The following ALK variants were observed in gnomAD, a reference collection of about 807,000 sequenced individuals.
ALK encodes ALK tyrosine kinase receptor.
ALK carries 74 observed loss-of-function variants against 163.1 expected under a neutral mutation model. That is an observed-to-expected ratio of 0.45 (90% CI 0.38 to 0.55). The LOEUF (loss-of-function observed/expected upper bound fraction) is 0.55, where lower values mean the gene tolerates loss of function less well. Ranked by LOEUF, ALK falls within the 20% of genes least tolerant of loss-of-function variation. The probability of loss-of-function intolerance (pLI) is 0.00; values close to 1 mark genes in which losing one functional copy is unlikely to be tolerated. For missense variants in ALK, 2,063 were observed against 2,105.3 expected, an observed-to-expected ratio of 0.98 and a Z score of 0.39; for synonymous variants, 960 against 843.2, an observed-to-expected ratio of 1.14 and a Z score of -2.40.
At chr2:29,574,533 GAGAA>G in intron 3 of ALK, among the ~76,000 whole-genome samples, 1 of 152,362 alleles carries the variant, frequency 6.6e-6, no homozygotes, top group Middle Eastern at 3.4e-3. Flanking sequence ...TGAAATGTCT[GAGAA>G]AGACTCATAT....
At chr2:29,440,194 A>G (rs1670501878) in intron 4 of ALK, among the ~76,000 whole-genome samples, 1 of 152,030 alleles carries the variant, frequency 6.6e-6, no homozygotes, top group African/African-American at 2.4e-5. Context: ...AGATCGTGCC[A>G]TTGCACTCCA....
intron 1 of ALK, among the ~76,000 whole-genome samples, chr2:29,835,617 G>C (rs969516183): frequency 1.2e-4 from 19 of 152,140 alleles, no homozygotes; most frequent in Non-Finnish European, 2.1e-4. Flanking sequence ...TGGTTTGCCT[G>C]TGTCCCCACT....
chr2:29,807,190 C>T (rs895820029), intron 1 of ALK, among the ~76,000 whole-genome samples: 1 of 152,238 alleles, frequency 6.6e-6, no homozygotes, highest in African/African-American at 2.4e-5. Context: ...CTCTCCCTGA[C>T]AACCTAGAAA....
chr2:29,343,373 T>C (rs994962805), intron 5 of ALK, among the ~76,000 whole-genome samples: 1 of 109,654 alleles, frequency 9.1e-6, no homozygotes, highest in Non-Finnish European at 1.9e-5. Flanking sequence ...TGCATCTGGC[T>C]AAGTAAAAAA....
At chr2:29,319,988 C>CT (rs753981039) in intron 7 of ALK, among the ~76,000 whole-genome samples, 2 of 152,234 alleles carry the variant, frequency 1.3e-5, no homozygotes, top group Non-Finnish European at 2.9e-5. Context: ...GCACCAGGGC[C>CT]TGCCCGGGTC....
intron 3 of ALK, among the ~76,000 whole-genome samples, chr2:29,617,792 T>C (rs1201371178): frequency 2.0e-5 from 3 of 152,210 alleles, no homozygotes; most frequent in African/African-American, 7.2e-5. Flanking sequence ...TTCCTCGCCA[T>C]TCTAACAAGT....
intron 5 of ALK, among the ~76,000 whole-genome samples, chr2:29,332,336 C>T (rs1573243976): frequency 7.6e-6 from 1 of 131,640 alleles, no homozygotes; most frequent in Middle Eastern, 5.4e-3. Context: ...TCTATGAGGT[C>T]TCCCTCAACC....
chr2:29,211,191 T>G (rs138651265), intron 24 of ALK, among the ~76,000 whole-genome samples: 1 of 152,338 alleles, frequency 6.6e-6, no homozygotes, highest in East Asian at 1.9e-4. Context: ...GAGATTCATG[T>G]TGTTAATGCT....
At chr2:29,655,220 C>A (rs1677151872) in intron 3 of ALK, among the ~76,000 whole-genome samples, 1 of 152,054 alleles carries the variant, frequency 6.6e-6, no homozygotes, top group Admixed American at 6.6e-5. Context: ...GGAAACTTGG[C>A]AATACTGGGG....
chr2:29,357,989 C>T (rs1437148909), intron 5 of ALK, among the ~76,000 whole-genome samples: 1 of 152,214 alleles, frequency 6.6e-6, no homozygotes, highest in Non-Finnish European at 1.5e-5. Context: ...ATTTGGTCCA[C>T]TATTTTACAG....
chr2:29,554,117 G>A (rs181847581), intron 3 of ALK, among the ~76,000 whole-genome samples: 1 of 152,190 alleles, frequency 6.6e-6, no homozygotes, highest in Admixed American at 6.5e-5. Context: ...GTCTGTAATA[G>A]CTTTCCATAG....
chr2:29,202,908 C>T (rs936050603), intron 26 of ALK, among the ~76,000 whole-genome samples: 4 of 152,162 alleles, frequency 2.6e-5, no homozygotes, highest in Admixed American at 2.6e-4. Flanking sequence ...CATCTTCTCT[C>T]TAATGTATTT....
intron 1 of ALK, among the ~76,000 whole-genome samples, chr2:29,752,164 A>G (rs1267599625): frequency 6.6e-6 from 1 of 152,098 alleles, no homozygotes; most frequent in African/African-American, 2.4e-5. Context: ...TAGAAACCAT[A>G]TTTTAAATTT....
At position 29,539,616 on chromosome 2, in the gene ALK, G is replaced by C. The variant is rs59807672; in HGVS notation, c.953-7500C>G. On this transcript the variant is annotated intron_variant, in intron 3 of 28. Transcript: ENST00000389048. The stretch of plus-strand genomic sequence containing the variant: ...GACAGGTTCTCTTGAGCACAGGGTA[G>C]ATCATATCATTCGACTAGGTAAAAA... Among the ~76,000 whole-genome samples, 219 of 80,998 alleles carry C rather than the reference G, an allele frequency of 2.7e-3. 2 individuals carry two copies. Among genetic ancestry groups the C allele is most frequent in the African/African-American group, 7.3e-3 (199 of 27,306 alleles). 53.1% of individuals were successfully genotyped at this position (80,998 alleles called of 152,430 possible).
At chr2:29,727,544 T>C (rs776603929) in intron 1 of ALK, among the ~76,000 whole-genome samples, 2 of 152,216 alleles carry the variant, frequency 1.3e-5, no homozygotes, top group Non-Finnish European at 2.9e-5. Flanking sequence ...GAACTCATCA[T>C]GCTTTCCCAG....
intron 1 of ALK, among the ~76,000 whole-genome samples, chr2:29,880,478 G>A (rs1375833556): frequency 6.6e-6 from 1 of 152,104 alleles, no homozygotes; most frequent in African/African-American, 2.4e-5. Context: ...TGAAAGCTAT[G>A]GACTCCCCAC....
intron 25 of ALK, among the ~76,000 whole-genome samples, chr2:29,208,336 G>A (rs13404997): frequency 0.022 from 3,385 of 152,234 alleles, 135 homozygotes; most frequent in African/African-American, 0.077. Context: ...AGGACTGTAG[G>A]TAACTTAGGG....
At chr2:29,548,293 G>A (rs1306594210) in intron 3 of ALK, among the ~76,000 whole-genome samples, 3 of 152,114 alleles carry the variant, frequency 2.0e-5, no homozygotes, top group Non-Finnish European at 4.4e-5. Flanking sequence ...CTAACACGGT[G>A]AAACCCTGTC....
intron 5 of ALK, among the ~76,000 whole-genome samples, chr2:29,351,368 G>A (rs1271774421): frequency 2.6e-5 from 4 of 152,106 alleles, no homozygotes; most frequent in African/African-American, 9.7e-5. Context: ...GGCCATGACA[G>A]GTCAGCAGGG....
Sources: allele counts gnomAD v4.1 joint callset (sites outside exome capture counted in the v4.1 genomes callset), GRCh38; gene constraint gnomAD v4.1.1; transcripts MANE v1.5; gene names NCBI Gene and HGNC (gene_info 2026-07-23, HGNC 2026-07-21).